Variants in CD70 observed in about 807,000 individuals in gnomAD.
CD70 encodes the protein CD70 antigen.
Under a neutral mutation model 9.0 loss-of-function variants are expected in CD70, and 6 were observed. That is an observed-to-expected ratio of 0.67 (90% CI 0.37 to 1.32). CD70 has a LOEUF of 1.32. Among genes scored for constraint, CD70 ranks in the 40% most tolerant of loss-of-function variants. The pLI, the probability that CD70 is intolerant of heterozygous loss-of-function variation, is 0.02. For synonymous variants in CD70, 108 were observed against 112.3 expected (o/e 0.96, Z 0.24); for missense variants, 235 against 258.7 (o/e 0.91, Z 0.63).
At chr19:6,586,810 G>C (rs1029658863) in intron 2 of CD70, among the ~76,000 whole-genome samples, 1 of 150,272 alleles carries the variant, frequency 6.7e-6, no homozygotes, top group African/African-American at 2.4e-5. Flanking sequence ...AAAAGGGAGG[G>C]GGATAGAAGG....
downstream of CD70, among the ~76,000 whole-genome samples, chr19:6,585,050 G>A (rs1459344486): frequency 4.6e-5 from 7 of 152,106 alleles, no homozygotes; most frequent in South Asian, 6.2e-4. Flanking sequence ...GCAATGACGC[G>A]ATCTTGGCTC....
At chr19:6,589,507 G>A (rs1177379496) in intron 2 of CD70, among the ~76,000 whole-genome samples, 6 of 151,346 alleles carry the variant, frequency 4.0e-5, no homozygotes, top group East Asian at 1.9e-4. Context: ...CTCCTGCCTC[G>A]GCCTCCTGAG....
At chr19:6,586,866 G>C (rs1376044725) in intron 2 of CD70, among the ~76,000 whole-genome samples, 3 of 130,920 alleles carry the variant, frequency 2.3e-5, no homozygotes, top group Non-Finnish European at 4.7e-5. Context: ...GAAAGGGGTA[G>C]AGACAGGGAG....
At chr19:6,583,067 G>A (rs541549444), downstream of CD70, 3 of 370,490 alleles carry the variant, frequency 8.1e-6, 1 homozygote, top group African/African-American at 6.3e-5. Flanking sequence ...GGTGGCGCAT[G>A]GGTCTCATTT....
downstream of CD70, among the ~76,000 whole-genome samples, chr19:6,582,098 C>T (rs180929903): frequency 5.9e-4 from 89 of 150,434 alleles, 1 homozygote; most frequent in East Asian, 0.016. Flanking sequence ...GGCTCGATCT[C>T]GGCTCACTGC....
chr19:6,589,260 T>TTTTC (rs113272565), intron 2 of CD70, among the ~76,000 whole-genome samples: 2 of 150,240 alleles, frequency 1.3e-5, no homozygotes, highest in African/African-American at 2.5e-5. Context: ...TTTCTTTTCT[T>TTTTC]TCTCTTATTT....
chr19:6,583,359 A>G (rs893446898), downstream of CD70: 12 of 701,676 alleles, frequency 1.7e-5, no homozygotes, highest in African/African-American at 8.7e-5. Context: ...TGATTCCTCC[A>G]GCTTTGTAGG....
downstream of CD70, among the ~76,000 whole-genome samples, chr19:6,585,047 C>T (rs993180213): frequency 4.7e-4 from 72 of 152,140 alleles, no homozygotes; most frequent in Admixed American, 4.1e-3. Flanking sequence ...AGTGCAATGA[C>T]GCGATCTTGG....
At position 6,590,595 on chromosome 19, in the gene CD70, G is replaced by A. The variant is rs138374082; in HGVS notation, c.162+246C>T. 4.0e-3 allele frequency among the ~76,000 whole-genome samples: 615 copies of A among 152,258 alleles called. 5 individuals carry two copies. The highest frequency in any genetic ancestry group is 5.6e-3 in the Admixed American group (86 of 15,306). ...AGCCTGCCGGGGGAACACCAGAGCC[G>A]AGTCATCTTCCATTTCCATGTGTGC... On this transcript the variant is annotated intron_variant, in intron 1 of 2. Coordinates refer to ENST00000245903, the MANE Select transcript of CD70 (RefSeq NM_001252.5). The surrounding 1 kb of genome is among the most constrained non-coding windows in gnomAD (Gnocchi z 5.3).
chr19:6,584,789 C>T (rs1444491029), downstream of CD70, among the ~76,000 whole-genome samples: 1 of 151,724 alleles, frequency 6.6e-6, no homozygotes, highest in Non-Finnish European at 1.5e-5. Flanking sequence ...TCGCTTGAGC[C>T]CAGGAGTTTG....
downstream of CD70, among the ~76,000 whole-genome samples, chr19:6,584,630 C>A (rs10418366): frequency 0.39 from 56,504 of 145,602 alleles, 11,026 homozygotes; most frequent in East Asian, 0.68. Context: ...GAGACCGAGG[C>A]GGGAAGATCG....
downstream of CD70, among the ~76,000 whole-genome samples, chr19:6,584,635 A>G (rs1915980230): frequency 1.3e-5 from 2 of 149,790 alleles, no homozygotes; most frequent in South Asian, 4.3e-4. Context: ...CGAGGCGGGA[A>G]GATCGGCATT....
chr19:6,585,919 C>T lies in CD70; in HGVS notation c.*101G>A. 2 of 798,982 alleles carry T rather than the reference C, an allele frequency of 2.5e-6. No homozygotes were observed. The highest frequency in any genetic ancestry group is 3.9e-6 in the Non-Finnish European group (2 of 511,158). The allele number at this position is 798,982 out of a possible 1,614,324, so 49.5% of individuals were successfully genotyped here. A position where few individuals can be genotyped will look rare whatever the true frequency, so the allele number is the denominator to read the frequency against. The stretch of plus-strand genomic sequence containing the variant: ...GTCCTGCCACCACTACCCCCCACCA[C>T]ACTCCCACCCCAACCCCGGGTGGCC... On this transcript the variant is annotated 3_prime_UTR_variant, in exon 3 of 3. Coordinates refer to ENST00000245903, the MANE Select transcript of CD70 (RefSeq NM_001252.5).
In CD70 at chr19:6,590,123, T is replaced by C; in HGVS notation, c.176A>G (p.Glu59Gly). 1 of 1,613,664 alleles carries C rather than the reference T, an allele frequency of 6.2e-7. No homozygotes were observed. The highest frequency in any genetic ancestry group is 8.5e-7 in the Non-Finnish European group (1 of 1,179,662). The stretch of plus-strand genomic sequence containing the variant: ...GTTACCTGTGTGATTCAGCTGCAGC[T>C]CAGCTACGTCCCACTGGAAGAAAAG... ...PLESLGWDVA[E>G]LQLNHTGPQQ... is the part of the protein sequence containing the mutation. The change falls in exon 2 of 3, where the codon GAG becomes GGG. Residue 59 changes from glutamate (E) to glycine (G), a missense_variant. Transcript: ENST00000245903. This position sits in a 1 kb window ranked among gnomAD's most constrained non-coding sequence, Gnocchi z 5.3.
chr19:6,588,571 C>G (rs1568431948), intron 2 of CD70, among the ~76,000 whole-genome samples: 1 of 152,196 alleles, frequency 6.6e-6, no homozygotes, highest in African/African-American at 2.4e-5. Context: ...GAGGTAGAGA[C>G]TTCCACCTAG....
At chr19:6,582,803 G>A (rs1915944142), downstream of CD70, among the ~76,000 whole-genome samples, 1 of 152,126 alleles carries the variant, frequency 6.6e-6, no homozygotes, top group Non-Finnish European at 1.5e-5. Context: ...TTGCTATTGT[G>A]AATAGTCAGG....
chr19:6,590,284 T>A lies in CD70; in HGVS notation c.163-148A>T. 1 of 646,006 alleles carries A rather than the reference T, an allele frequency of 1.5e-6. No individual in the cohort carries two copies. The highest frequency in any genetic ancestry group is 2.8e-6 in the Non-Finnish European group (1 of 357,006). 40.0% of individuals were successfully genotyped at this position (646,006 alleles called of 1,614,324 possible). On this transcript the variant is annotated intron_variant, in intron 1 of 2. Coordinates refer to ENST00000245903, the MANE Select transcript of CD70 (RefSeq NM_001252.5). The surrounding 1 kb of genome is among the most constrained non-coding windows in gnomAD (Gnocchi z 5.3). ...CTGGTGATTTTATTTCATTTTATTT[T>A]TTTTTACTCTTAAGACTTCTTAAAG...
intron 2 of CD70, among the ~76,000 whole-genome samples, chr19:6,586,980 CAGAGAGAGAGCAAG>C (rs1229663439): frequency 6.8e-6 from 1 of 147,198 alleles, no homozygotes; most frequent in South Asian, 2.1e-4. Context: ...AGAGAGAATG[CAGAGAGAGAGCAAG>C]AGAGAGAGTG....
chr19:6,590,557 C>A lies in CD70; in HGVS notation c.162+284G>T, dbSNP rs1455062023. On this transcript the variant is annotated intron_variant, in intron 1 of 2. Coordinates refer to ENST00000245903, the MANE Select transcript of CD70 (RefSeq NM_001252.5). The surrounding 1 kb of genome is among the most constrained non-coding windows in gnomAD (Gnocchi z 5.3). The stretch of plus-strand genomic sequence containing the variant: ...ACGCCCAGCCTTGTGAAGCCCCCAG[C>A]AGCCTCTGAGTCAGCCTGCCGGGGG... Among the ~76,000 whole-genome samples the A allele has an allele frequency of 6.6e-6, 1 of 152,150 alleles. No homozygotes were observed. The highest frequency in any genetic ancestry group is 2.1e-4 in the South Asian group (1 of 4,828).
Sources: allele counts gnomAD v4.1 joint callset (sites outside exome capture counted in the v4.1 genomes callset), GRCh38; gene constraint gnomAD v4.1.1; non-coding constraint Gnocchi (gnomAD v3.1); transcripts MANE v1.5; gene names NCBI Gene and HGNC (gene_info 2026-07-23, HGNC 2026-07-21).